Variants in TRPA1 observed in about 807,000 individuals in gnomAD.
TRPA1 encodes transient receptor potential cation channel subfamily A member 1, also known as ankyrin-like with transmembrane domains 1.
Under a neutral mutation model 131.3 loss-of-function variants are expected in TRPA1, and 129 were observed. The ratio of observed to expected loss-of-function variants is 0.98; its 90% CI spans 0.85 to 1.14. The LOEUF (loss-of-function observed/expected upper bound fraction) is 1.14. Among genes scored for constraint, TRPA1 ranks in the 50% most tolerant of loss-of-function variants. The pLI is 0.00. For synonymous variants in TRPA1, 441 were observed against 451.7 expected (o/e 0.98, Z 0.30); for missense variants, 1,304 against 1,354.2 (o/e 0.96, Z 0.58).
chr8:72,061,634 A>G lies in TRPA1; in HGVS notation c.935T>C (p.Met312Thr), dbSNP rs1294079787. Residue 312 changes from methionine (M) to threonine (T), a missense_variant, in exon 7 of 27, where the codon ATG becomes ACG. Coordinates refer to ENST00000262209, the MANE Select transcript of TRPA1 (RefSeq NM_007332.3). ...VNTTDGCHET[M>T]LHRASLFDHH... ...TAGGTAGGAAACTTGCCTGTGAAGC[A>G]TGGTCTCATGACATCCATCGGTTGT... The G allele has an allele frequency of 1.2e-6, 2 of 1,613,908 alleles. No homozygotes were observed. The highest frequency in any genetic ancestry group is 1.7e-6 in the Non-Finnish European group (2 of 1,179,938).
At chr8:72,085,592 C>G in the TRPA1 span, among the ~76,000 whole-genome samples, 12 of 151,820 alleles carry the variant, frequency 7.9e-5, no homozygotes, top group Non-Finnish European at 1.6e-4. Flanking sequence ...CTCTTTGTTA[C>G]TATTTTTCTA....
intron 4 of TRPA1, among the ~76,000 whole-genome samples, chr8:72,064,577 G>C (rs1805885333): frequency 2.6e-5 from 4 of 151,720 alleles, no homozygotes; most frequent in Admixed American, 2.6e-4. Flanking sequence ...TGACAGCTTA[G>C]AGTATGTACC....
At chr8:72,076,208 G>T (rs1290526183), upstream of TRPA1, among the ~76,000 whole-genome samples, 2 of 152,098 alleles carry the variant, frequency 1.3e-5, no homozygotes, top group African/African-American at 2.4e-5. Context: ...TCACACTTTG[G>T]TGTTTAAGGG....
At chr8:72,085,721 A>T in the TRPA1 span, among the ~76,000 whole-genome samples, 3 of 151,838 alleles carry the variant, frequency 2.0e-5, no homozygotes, top group Admixed American at 6.5e-5. Context: ...CTTCTTTTTA[A>T]TTGGGAAGTT....
chr8:72,061,559 T>G, intron 7 of TRPA1, 66 bp downstream of exon 7: 1 of 1,594,738 alleles, frequency 6.3e-7, no homozygotes, highest in East Asian at 2.2e-5. Context: ...AACTGCTCCT[T>G]GCAATGTCTA....
chr8:72,023,902 A>G lies in TRPA1; in HGVS notation c.3061T>C (p.Cys1021Arg). 1 of 1,583,496 alleles carries G rather than the reference A, an allele frequency of 6.3e-7. No homozygotes were observed. The highest frequency in any genetic ancestry group is 1.7e-4 in the Middle Eastern group (1 of 5,980). The stretch of plus-strand genomic sequence containing the variant: ...ATTTCCCCAGTGCAAAATAAAAAAC[A>G]GAATATATGCTGTCGGATAAAAAAT... ...RSGGMLFHIF[C>R]FLFCTGEIRQ... The change falls in exon 26 of 27, where the codon TGT becomes CGT. Residue 1021 changes from cysteine (C) to arginine (R), a missense_variant. Cys to Arg is a radical substitution (Grantham distance 180, BLOSUM62 -3). Coordinates refer to ENST00000262209, the MANE Select transcript of TRPA1 (RefSeq NM_007332.3).
At chr8:72,082,841 T>A in the TRPA1 span, among the ~76,000 whole-genome samples, 1 of 151,448 alleles carries the variant, frequency 6.6e-6, no homozygotes. Context: ...GATTAATACT[T>A]TTTTTTTCAA....
intron 23 of TRPA1, 55 bp downstream of exon 23, chr8:72,033,589 T>C: frequency 1.3e-6 from 2 of 1,484,046 alleles, no homozygotes; most frequent in East Asian, 2.4e-5. Flanking sequence ...ATGATTATCA[T>C]TATAAAATGT....
At chr8:72,025,479 G>A (rs111453757) in intron 25 of TRPA1, among the ~76,000 whole-genome samples, 181 of 152,078 alleles carry the variant, frequency 1.2e-3, no homozygotes, top group African/African-American at 3.7e-3. Context: ...CCCAGTCTCG[G>A]GCAGTTCTTT....
At chr8:72,041,198 G>C (rs577211954) in intron 17 of TRPA1, 5 of 151,916 alleles carry the variant, frequency 3.3e-5, no homozygotes, top group Non-Finnish European at 5.9e-5. Flanking sequence ...CCTCACATTA[G>C]AGCTCCCAAA....
chr8:72,082,234 G>C, the TRPA1 span, among the ~76,000 whole-genome samples: 1 of 151,912 alleles, frequency 6.6e-6, no homozygotes. Flanking sequence ...CTATGGCAAT[G>C]TTCCTCCAAT....
In TRPA1 at chr8:72,056,831, A is replaced by G. The variant is rs1297937421; in HGVS notation, c.1194+86T>C. 6 of 940,612 alleles carry G rather than the reference A, an allele frequency of 6.4e-6. 1 individual carries two copies. The Admixed American group carries it at 6.4e-5, about 10-fold the overall frequency. 58.3% of individuals were successfully genotyped at this position (940,612 alleles called of 1,614,324 possible). On this transcript the variant is annotated intron_variant, in intron 10 of 26. Transcript: ENST00000262209. ...TTTTAAAATTCCAGAATCAGTTTAT[A>G]TAATAACAAAAATTATAATAAACAA...
chr8:72,050,717 GT>G, intron 15 of TRPA1, 60 bp downstream of exon 15: 1 of 1,069,146 alleles, frequency 9.4e-7, no homozygotes, highest in Middle Eastern at 2.8e-4. Context: ...TTATTAGGTT[GT>G]GATTACAACA....
intron 15 of TRPA1, among the ~76,000 whole-genome samples, chr8:72,050,182 G>A (rs933698039): frequency 1.3e-4 from 20 of 152,088 alleles, no homozygotes; most frequent in African/African-American, 4.8e-4. Context: ...CTATGAGTGA[G>A]AACATGTGGC....
Position 72,026,007 on chromosome 8 carries a change from A to G in TRPA1, c.3004T>C (p.Ser1002Pro). ...LWFLRKVDQK[S>P]TIVYPNKPRS... The stretch of plus-strand genomic sequence containing the variant: ...GGTTTGTTGGGATACACGATGGTGG[A>G]TTTCTGATCCACTTTGCGTAGAAAC... The change falls in exon 25 of 27, where the codon TCC becomes CCC. Residue 1002 changes from serine to proline, a missense_variant. Physicochemically the swap from Ser to Pro is moderately conservative, Grantham distance 74 (BLOSUM62 -1). Transcript: ENST00000262209. 2 of 1,613,988 alleles carry G rather than the reference A, an allele frequency of 1.2e-6. No individual in the cohort carries two copies. Among genetic ancestry groups the G allele is most frequent in the Non-Finnish European group, 1.7e-6 (2 of 1,179,930 alleles).
At chr8:72,025,800 T>C (rs1381619745) in intron 25 of TRPA1, among the ~76,000 whole-genome samples, 160 bp downstream of exon 25, 1 of 152,140 alleles carries the variant, frequency 6.6e-6, no homozygotes, top group Non-Finnish European at 1.5e-5. Context: ...AGCTCTTTCA[T>C]GTCTTGGTTT....
chr8:72,035,723 T>C (rs979449660), intron 21 of TRPA1, among the ~76,000 whole-genome samples: 1 of 152,116 alleles, frequency 6.6e-6, no homozygotes, highest in African/African-American at 2.4e-5. Flanking sequence ...TCAGTTCATT[T>C]TGAGTGTTTT....
At chr8:72,085,433 GT>G in the TRPA1 span, among the ~76,000 whole-genome samples, 28,868 of 151,844 alleles carry the variant, frequency 0.19, 3,036 homozygotes, top group East Asian at 0.36. Context: ...TATAAACTAT[GT>G]TTTTAATACA....
intron 17 of TRPA1, among the ~76,000 whole-genome samples, chr8:72,042,358 A>G (rs1812283013): frequency 6.6e-6 from 1 of 151,956 alleles, no homozygotes; most frequent in African/African-American, 2.4e-5. Flanking sequence ...TAAAACCACA[A>G]CGAGATACCA....
Sources: allele counts gnomAD v4.1 joint callset (sites outside exome capture counted in the v4.1 genomes callset), GRCh38; gene constraint gnomAD v4.1.1; transcripts MANE v1.5; gene names NCBI Gene and HGNC (gene_info 2026-07-23, HGNC 2026-07-21).